The following CTNNA3 variants were observed in gnomAD, a reference collection of about 807,000 sequenced individuals.
The protein encoded by CTNNA3 is catenin alpha-3.
Under a neutral mutation model 95.7 loss-of-function variants are expected in CTNNA3, and 76 were observed. The observed-to-expected ratio is 0.79, with a 90% confidence interval of 0.66 to 0.96. The LOEUF (loss-of-function observed/expected upper bound fraction) is 0.96, where lower values mean the gene tolerates loss of function less well. Ranked by LOEUF, CTNNA3 falls within the 40% of genes least tolerant of loss-of-function variation. CTNNA3 has a pLI of 0.00. For missense variants in CTNNA3, 1,191 were observed against 1,089.8 expected (o/e 1.09, Z -1.31); for synonymous variants, 431 against 374.4 (o/e 1.15, Z -1.74).
intron 13 of CTNNA3, among the ~76,000 whole-genome samples, chr10:66,242,168 T>C (rs1174975348): frequency 6.6e-6 from 1 of 152,134 alleles, no homozygotes. Flanking sequence ...TTACCAGATG[T>C]GGACCTTTGA....
At chr10:66,914,755 G>T (rs1846399134) in intron 7 of CTNNA3, among the ~76,000 whole-genome samples, 1 of 152,120 alleles carries the variant, frequency 6.6e-6, no homozygotes, top group Admixed American at 6.5e-5. Flanking sequence ...TAAGTTGCAG[G>T]ATTTGCCATC....
At chr10:66,218,071 T>C (rs576314964) in intron 13 of CTNNA3, among the ~76,000 whole-genome samples, 6 of 152,366 alleles carry the variant, frequency 3.9e-5, no homozygotes, top group African/African-American at 9.6e-5. Flanking sequence ...GCAGGAGACC[T>C]GCCAACAGGA....
intron 13 of CTNNA3, among the ~76,000 whole-genome samples, chr10:66,204,632 T>C (rs1332548813): frequency 6.6e-6 from 1 of 152,170 alleles, no homozygotes; most frequent in African/African-American, 2.4e-5. Context: ...CCTGTGCTCT[T>C]AGTGACCCAA....
intron 5 of CTNNA3, among the ~76,000 whole-genome samples, chr10:67,350,584 T>A (rs1220004677): frequency 4.8e-5 from 7 of 144,764 alleles, no homozygotes; most frequent in African/African-American, 1.0e-4. Context: ...AAAAAAAAAA[T>A]TATGTAATAA....
chr10:66,103,682 T>C (rs1314108091), intron 13 of CTNNA3, among the ~76,000 whole-genome samples: 1 of 151,994 alleles, frequency 6.6e-6, no homozygotes, highest in Non-Finnish European at 1.5e-5. Context: ...GGCAAATCTA[T>C]AGCAATAGAG....
At chr10:67,370,993 A>C (rs570708561) in intron 5 of CTNNA3, among the ~76,000 whole-genome samples, 12 of 149,306 alleles carry the variant, frequency 8.0e-5, no homozygotes, top group Admixed American at 7.3e-4. Context: ...CAGCCTCCCA[A>C]GTAGCTGGGA....
intron 12 of CTNNA3, among the ~76,000 whole-genome samples, chr10:66,346,963 T>C (rs2092526865): frequency 6.6e-6 from 1 of 151,374 alleles, no homozygotes; most frequent in Non-Finnish European, 1.5e-5. Flanking sequence ...CAGATGTGAA[T>C]ATAAATCTTC....
intron 10 of CTNNA3, among the ~76,000 whole-genome samples, chr10:66,619,004 C>T (rs1390108894): frequency 1.3e-5 from 2 of 152,244 alleles, no homozygotes; most frequent in African/African-American, 2.4e-5. Flanking sequence ...ATAAAAACCA[C>T]AATGAGATAC....
chr10:66,779,811 T>C (rs1467424739), intron 7 of CTNNA3, among the ~76,000 whole-genome samples: 1 of 152,212 alleles, frequency 6.6e-6, no homozygotes, highest in Admixed American at 6.5e-5. Flanking sequence ...AATAAATAGG[T>C]CAACATAGTC....
chr10:66,446,716 T>A (rs2131809984), intron 11 of CTNNA3, among the ~76,000 whole-genome samples: 1 of 152,212 alleles, frequency 6.6e-6, no homozygotes, highest in African/African-American at 2.4e-5. Flanking sequence ...ACAGCCAATA[T>A]CATACTGAAT....
chr10:66,126,048 C>T (rs986212768), intron 13 of CTNNA3, among the ~76,000 whole-genome samples: 8 of 152,140 alleles, frequency 5.3e-5, no homozygotes, highest in African/African-American at 1.4e-4. Flanking sequence ...CAAAGTTTGA[C>T]AACATTATTT....
chr10:67,291,185 T>C (rs1839825078), intron 5 of CTNNA3, among the ~76,000 whole-genome samples: 1 of 151,996 alleles, frequency 6.6e-6, no homozygotes, highest in Non-Finnish European at 1.5e-5. Context: ...AAGGAGAAAA[T>C]GAAATAACAT....
rs541921528 is a variant in CTNNA3, at chr10:66,623,998, C to A, written c.1282-2214G>T. ...GTAATTCCCTGCTGGTCAAAGAATA[C>A]AGCCTGCAAATAAGATGTTCTGTAA... On this transcript the variant is annotated intron_variant, in intron 9 of 17. Transcript: ENST00000433211. Among the ~76,000 whole-genome samples, 3 of 152,172 alleles carry A rather than the reference C, an allele frequency of 2.0e-5. No individual in the cohort carries two copies. In the South Asian group the frequency reaches 6.2e-4, roughly 32 times the overall value.
chr10:66,007,074 CACCGTAAAGCTT>C (rs984737211), intron 15 of CTNNA3, among the ~76,000 whole-genome samples: 10 of 152,082 alleles, frequency 6.6e-5, no homozygotes, highest in African/African-American at 2.4e-4. Flanking sequence ...AATTTTAGGA[CACCGTAAAGCTT>C]ACTATTTTCA....
At chr10:66,966,477 T>C (rs1348578075) in intron 7 of CTNNA3, among the ~76,000 whole-genome samples, 3 of 93,042 alleles carry the variant, frequency 3.2e-5, no homozygotes, top group Admixed American at 2.8e-4. Context: ...AACTCGGCTA[T>C]GTAATATATT....
chr10:67,387,846 G>T (rs1378361692), intron 5 of CTNNA3, among the ~76,000 whole-genome samples: 1 of 152,120 alleles, frequency 6.6e-6, no homozygotes, highest in Non-Finnish European at 1.5e-5. Flanking sequence ...TGCAGCTGAG[G>T]GTCCTGTCTG....
At chr10:67,483,993 G>A (rs1477495936) in intron 5 of CTNNA3, among the ~76,000 whole-genome samples, 1 of 151,934 alleles carries the variant, frequency 6.6e-6, no homozygotes, top group Non-Finnish European at 1.5e-5. Context: ...AGTTCAAATG[G>A]AACCAAAAAA....
chr10:67,285,152 T>C (rs1321570975), intron 5 of CTNNA3, among the ~76,000 whole-genome samples: 3 of 152,212 alleles, frequency 2.0e-5, no homozygotes, highest in Non-Finnish European at 2.9e-5. Context: ...TAATGTCTTT[T>C]AGACATTAGA....
intron 3 of CTNNA3, among the ~76,000 whole-genome samples, chr10:67,591,191 TA>T (rs979272369): frequency 3.9e-5 from 6 of 152,098 alleles, no homozygotes; most frequent in African/African-American, 1.4e-4. Context: ...GTTAGGAAGG[TA>T]AAATTGGAGT....
Sources: gnomAD v4.1 joint callset for allele counts (sites outside exome capture counted in the v4.1 genomes callset) on GRCh38, gnomAD v4.1.1 for gene constraint, MANE v1.5 for transcripts, NCBI Gene and HGNC (gene_info 2026-07-23, HGNC 2026-07-21) for gene names.